The following UBR4 variants were observed in gnomAD, a reference collection of about 807,000 sequenced individuals.
UBR4 encodes the protein E3 ubiquitin-protein ligase UBR4.
Under a neutral mutation model 575.6 loss-of-function variants are expected in UBR4, and 124 were observed. The observed-to-expected ratio is 0.22, with a 90% CI of 0.19 to 0.25. The LOEUF is 0.25. UBR4 is among the 10% of genes least tolerant of loss of function. The pLI, the probability that UBR4 is intolerant of heterozygous loss-of-function variation, is 1.00. For synonymous variants in UBR4, 2,455 were observed against 2,473.7 expected (o/e 0.99, Z 0.22); for missense variants, 4,818 against 6,478.8 (o/e 0.74, Z 8.80).
At chr1:19,145,263 A>G (rs1250504575) in intron 53 of UBR4, among the ~76,000 whole-genome samples, 11 of 152,198 alleles carry the variant, frequency 7.2e-5, no homozygotes, top group Admixed American at 7.2e-4. Flanking sequence ...ATGACAAAAC[A>G]TGACCTTGAC....
chr1:19,167,980 A>C, intron 28 of UBR4, 47 bp downstream of exon 28: 1 of 1,518,242 alleles, frequency 6.6e-7, no homozygotes, highest in East Asian at 2.3e-5. Flanking sequence ...TTTAACCACA[A>C]TAGAATACAG....
intron 36 of UBR4, 45 bp downstream of exon 36, chr1:19,161,782 T>A (rs776831651): frequency 6.2e-7 from 1 of 1,613,996 alleles, no homozygotes; most frequent in Admixed American, 1.7e-5. Flanking sequence ...GTCCCAACAA[T>A]CGGTGCCCAG....
intron 51 of UBR4, among the ~76,000 whole-genome samples, chr1:19,147,206 A>C (rs2084992023): frequency 6.6e-6 from 1 of 152,258 alleles, no homozygotes; most frequent in Non-Finnish European, 1.5e-5. Flanking sequence ...GTCATTAAAA[A>C]ATAAAAACCC....
intron 105 of UBR4, among the ~76,000 whole-genome samples, chr1:19,076,338 C>T (rs1253801822): frequency 1.3e-5 from 2 of 152,206 alleles, no homozygotes; most frequent in African/African-American, 4.8e-5. Context: ...TGTTAATTCT[C>T]TGAACTGCCA....
intron 25 of UBR4, among the ~76,000 whole-genome samples, chr1:19,171,394 C>T (rs980978294): frequency 5.3e-5 from 8 of 152,176 alleles, no homozygotes; most frequent in East Asian, 1.9e-4. Flanking sequence ...GTACCTGGCA[C>T]GTAGCAGCCA....
At chr1:19,158,651 C>T (rs770246847) in intron 39 of UBR4, among the ~76,000 whole-genome samples, 3 of 151,864 alleles carry the variant, frequency 2.0e-5, no homozygotes, top group Non-Finnish European at 4.4e-5. Context: ...TTTATAGAGA[C>T]AGGGTTTCAC....
At chr1:19,156,660 A>C in intron 41 of UBR4, 107 bp downstream of exon 41, 1 of 1,475,976 alleles carries the variant, frequency 6.8e-7, no homozygotes, top group African/African-American at 1.4e-5. Context: ...GTAGGTTTTA[A>C]ATTTTAATCT....
At chr1:19,190,248 G>A (rs1304990942) in intron 11 of UBR4, among the ~76,000 whole-genome samples, 2 of 131,162 alleles carry the variant, frequency 1.5e-5, no homozygotes, top group Non-Finnish European at 3.1e-5. Context: ...AGTTGAGACT[G>A]CACCACTACA....
At chr1:19,123,504 C>A (rs915279490) in intron 65 of UBR4, among the ~76,000 whole-genome samples, 1 of 151,130 alleles carries the variant, frequency 6.6e-6, no homozygotes, top group African/African-American at 2.4e-5. Context: ...AAGCTATTTC[C>A]TCTTGACCAA....
chr1:19,105,470 T>C (rs2079084711), intron 84 of UBR4, among the ~76,000 whole-genome samples: 1 of 152,212 alleles, frequency 6.6e-6, no homozygotes, highest in Non-Finnish European at 1.5e-5. Context: ...AGATAATGCA[T>C]GCCAAGCATT....
intron 54 of UBR4, among the ~76,000 whole-genome samples, 200 bp downstream of exon 54, chr1:19,144,586 A>G (rs1315328705): frequency 6.6e-6 from 1 of 152,218 alleles, no homozygotes; most frequent in East Asian, 1.9e-4. Flanking sequence ...TCAGCACTGA[A>G]TAAGAAAGAC....
chr1:19,161,317 C>T (rs1434603608), intron 37 of UBR4, among the ~76,000 whole-genome samples, 170 bp from the exon 38 acceptor site: 4 of 152,220 alleles, frequency 2.6e-5, no homozygotes, highest in Admixed American at 6.5e-5. Flanking sequence ...TATCTAACTT[C>T]TTTACCCACT....
At chr1:19,111,205 T>G (rs2079834060) in intron 78 of UBR4, among the ~76,000 whole-genome samples, 1 of 152,216 alleles carries the variant, frequency 6.6e-6, no homozygotes, top group South Asian at 2.1e-4. Flanking sequence ...CTGCATTTCA[T>G]TTTCCACAAG....
rs564654457 is a variant in UBR4, at chr1:19,167,719, G to T, written c.3899+308C>A. ...TATCCCACTATGATTCTGGAGAAAC[G>T]TTATCAAATAATCTGTCACTATCAC... On this transcript the variant is annotated intron_variant, in intron 28 of 105. Transcript: ENST00000375254. Among the ~76,000 whole-genome samples, 106 of 152,230 alleles carry T rather than the reference G, an allele frequency of 7.0e-4. 1 individual carries two copies. The highest frequency in any genetic ancestry group is 1.1e-3 in the Non-Finnish European group (78 of 68,012).
At chr1:19,194,074 T>C (rs1029495257) in intron 8 of UBR4, among the ~76,000 whole-genome samples, 1 of 152,206 alleles carries the variant, frequency 6.6e-6, no homozygotes, top group Non-Finnish European at 1.5e-5. Context: ...AGGGGATTTT[T>C]AGGATAGTGA....
chr1:19,101,950 A>C (rs2078674866), intron 87 of UBR4, among the ~76,000 whole-genome samples: 1 of 152,196 alleles, frequency 6.6e-6, no homozygotes, highest in African/African-American at 2.4e-5. Flanking sequence ...TTTAACTAGC[A>C]TCTCCTTGCC....
chr1:19,109,993 C>T, intron 81 of UBR4, 103 bp downstream of exon 81: 1 of 1,558,938 alleles, frequency 6.4e-7, no homozygotes, highest in Non-Finnish European at 8.7e-7. Flanking sequence ...GGGAGGTGGG[C>T]TCAAGGCAAA....
At chr1:19,075,013 G>A (rs943615619) in intron 105 of UBR4, 117 bp from the exon 106 acceptor site, 7 of 1,072,972 alleles carry the variant, frequency 6.5e-6, no homozygotes, top group South Asian at 2.7e-5. Context: ...GCTCTGGCCC[G>A]GCTGCTCACT....
intron 52 of UBR4, chr1:19,146,140 T>A (rs1446220533): frequency 6.6e-7 from 1 of 1,514,326 alleles, no homozygotes; most frequent in Admixed American, 2.1e-5. Flanking sequence ...ACATTGTATG[T>A]TAGAATTAAG....
Sources: gnomAD v4.1 joint callset for allele counts (sites outside exome capture counted in the v4.1 genomes callset) on GRCh38, gnomAD v4.1.1 for gene constraint, MANE v1.5 for transcripts, NCBI Gene and HGNC (gene_info 2026-07-23, HGNC 2026-07-21) for gene names.